Variants in CELF5 observed in about 807,000 individuals in gnomAD.
CELF5 encodes CUG-BP and ETR-3 like factor 5.
A neutral mutation model predicts 54.9 loss-of-function variants in CELF5; 6 were observed. That is an observed-to-expected ratio of 0.11 (90% confidence interval 0.06 to 0.22). The LOEUF is 0.22. CELF5 is among the 10% of genes least tolerant of loss of function. The pLI is 1.00. For synonymous variants in CELF5, 271 were observed against 290.9 expected (o/e 0.93, Z 0.70); for missense variants, 401 against 678.6 (o/e 0.59, Z 4.54).
At position 3,245,848 on chromosome 19, in the gene CELF5, G is replaced by T. The variant is rs554076417; in HGVS notation, c.260-5137G>T. Reference sequence around the variant, plus strand: ...TGCCCAGCTTCATTAATAGTTCTTGGAAGGTGCATTAAAATCTCAATGAAA... The same window carrying T: ...TGCCCAGCTTCATTAATAGTTCTTGTAAGGTGCATTAAAATCTCAATGAAA... On this transcript the variant is annotated intron_variant, in intron 1 of 12. Transcript: ENST00000292672. Among the ~76,000 whole-genome samples the T allele has an allele frequency of 4.2e-4, 64 of 152,274 alleles. No homozygotes were observed. The South Asian group carries it at 5.6e-3, about 13-fold the overall frequency.
chr19:3,271,411 G>C (rs1479346577), intron 2 of CELF5, among the ~76,000 whole-genome samples: 2 of 152,156 alleles, frequency 1.3e-5, no homozygotes, highest in East Asian at 1.9e-4. Flanking sequence ...GGTCCAGCTG[G>C]CTGGGTGGGG....
At chr19:3,253,626 G>A (rs865912072) in intron 2 of CELF5, among the ~76,000 whole-genome samples, 8 of 152,190 alleles carry the variant, frequency 5.3e-5, no homozygotes, top group Non-Finnish European at 1.0e-4. Flanking sequence ...GGGGTGCAGA[G>A]CAGGGGGGGC....
intron 1 of CELF5, among the ~76,000 whole-genome samples, chr19:3,226,416 C>A (rs979459510): frequency 7.6e-6 from 1 of 132,222 alleles, no homozygotes; most frequent in Non-Finnish European, 1.6e-5. Context: ...CTCCCCATTC[C>A]CCATCTCTTT....
intron 8 of CELF5, 66 bp from the exon 9 acceptor site, chr19:3,284,836 A>T (rs1599476838): frequency 7.1e-7 from 1 of 1,401,496 alleles, no homozygotes; most frequent in East Asian, 2.3e-5. Context: ...GCGGCTCTTA[A>T]GGATCGGGGG....
Position 3,282,600 on chromosome 19 carries a change from G to C in CELF5, c.1039+102G>C, listed in dbSNP as rs1258203920. 1 of 1,344,790 alleles carries C rather than the reference G, an allele frequency of 7.4e-7. No individual in the cohort carries two copies. Among genetic ancestry groups the C allele is most frequent in the Non-Finnish European group, 1.0e-6 (1 of 990,474 alleles). The allele number at this position is 1,344,790 out of a possible 1,614,324, so 83.3% of individuals were successfully genotyped here. ...CCTACATCACAGTGCCCAGGGAACA[G>C]AAGGGCAGGAAAAAGGGTGTCTCCG... On this transcript the variant is annotated intron_variant, in intron 8 of 12. Transcript: ENST00000292672. This position sits in a 1 kb window ranked among gnomAD's most constrained non-coding sequence, Gnocchi z 5.2.
At chr19:3,280,451 T>C (rs2080130426) in intron 5 of CELF5, among the ~76,000 whole-genome samples, 1 of 151,940 alleles carries the variant, frequency 6.6e-6, no homozygotes, top group Admixed American at 6.6e-5. Context: ...GGCGGGCACC[T>C]GTAATCCCAG....
intron 2 of CELF5, among the ~76,000 whole-genome samples, chr19:3,261,111 G>C (rs1257918891): frequency 6.6e-6 from 1 of 152,040 alleles, no homozygotes; most frequent in Non-Finnish European, 1.5e-5. Flanking sequence ...TACAGATCAA[G>C]GGTTGCTGAT....
chr19:3,269,825 C>A (rs1466317390), intron 2 of CELF5, among the ~76,000 whole-genome samples: 2 of 151,718 alleles, frequency 1.3e-5, no homozygotes, highest in Non-Finnish European at 2.9e-5. Context: ...GCAGTGGAAG[C>A]GATCATAGCT....
At chr19:3,233,096 T>G (rs963974299) in intron 1 of CELF5, among the ~76,000 whole-genome samples, 1 of 131,938 alleles carries the variant, frequency 7.6e-6, no homozygotes, top group Non-Finnish European at 1.7e-5. Flanking sequence ...AAATTAAAAT[T>G]AAAAATAAAT....
chr19:3,265,390 G>A (rs2079867694), intron 2 of CELF5, among the ~76,000 whole-genome samples: 1 of 152,194 alleles, frequency 6.6e-6, no homozygotes, highest in Non-Finnish European at 1.5e-5. Context: ...TATTGCAACA[G>A]CAGTGTAAAC....
intron 11 of CELF5, among the ~76,000 whole-genome samples, chr19:3,292,229 G>A (rs1341869321): frequency 1.3e-5 from 2 of 151,398 alleles, no homozygotes; most frequent in African/African-American, 4.9e-5. Flanking sequence ...TTACAGACGT[G>A]AACCACCACA....
rs1599470742 is a variant in CELF5 at position 3,281,488 on chromosome 19, G to C, written c.750+143G>C. On this transcript the variant is annotated intron_variant, in intron 6 of 12. Coordinates refer to ENST00000292672, the MANE Select transcript of CELF5 (RefSeq NM_021938.4). This position sits in a 1 kb window ranked among gnomAD's most constrained non-coding sequence, Gnocchi z 6.5. ...TGGCTGAACCCCAACTCCAAATTGA[G>C]ACCAAGCTCAGACCGAGCCCCTAAA... is the stretch of plus-strand genomic sequence containing the variant. The C allele has an allele frequency of 6.7e-6, 6 of 895,978 alleles. No homozygotes were observed. The South Asian group carries it at 1.0e-4, about 15-fold the overall frequency. The allele number at this position is 895,978 out of a possible 1,614,324, so 55.5% of individuals were successfully genotyped here.
chr19:3,292,132 A>T, intron 11 of CELF5, among the ~76,000 whole-genome samples: 1 of 151,928 alleles, frequency 6.6e-6, no homozygotes, highest in East Asian at 1.9e-4. Flanking sequence ...TTTTTAGTAG[A>T]AATGGGGTTT....
chr19:3,244,620 G>T (rs982872602), intron 1 of CELF5, among the ~76,000 whole-genome samples: 4 of 147,846 alleles, frequency 2.7e-5, no homozygotes, highest in African/African-American at 1.0e-4. Flanking sequence ...TTGTCTGCGT[G>T]TGTGTGCGTG....
intron 1 of CELF5, among the ~76,000 whole-genome samples, chr19:3,231,486 ATGGATGGG>A (rs1254424698): frequency 0.038 from 5,165 of 136,926 alleles, 289 homozygotes; most frequent in African/African-American, 0.12. Context: ...GGATGGATGG[ATGGATGGG>A]TGGATGAATG....
At chr19:3,286,110 C>T in intron 10 of CELF5, 85 bp downstream of exon 10, 1 of 1,216,368 alleles carries the variant, frequency 8.2e-7, no homozygotes, top group Non-Finnish European at 1.1e-6. Flanking sequence ...TGGCCCGGGC[C>T]TCTGGGACCC....
intron 2 of CELF5, among the ~76,000 whole-genome samples, chr19:3,263,018 G>A (rs1473749365): frequency 6.6e-6 from 1 of 151,720 alleles, no homozygotes; most frequent in Non-Finnish European, 1.5e-5. Context: ...GACCGAGGTG[G>A]GCAGATCACC....
intron 1 of CELF5, among the ~76,000 whole-genome samples, chr19:3,248,664 C>T (rs1407982912): frequency 1.3e-5 from 2 of 152,160 alleles, no homozygotes; most frequent in Non-Finnish European, 2.9e-5. Flanking sequence ...GTGAATCTTA[C>T]TGCTGTCAAC....
At chr19:3,250,907 G>C (rs2079638885) in intron 1 of CELF5, 78 bp from the exon 2 acceptor site, 1 of 994,820 alleles carries the variant, frequency 1.0e-6, no homozygotes, top group Admixed American at 1.8e-5. Flanking sequence ...CTTCCACCTA[G>C]TGGCCACTGT....
Sources: gnomAD v4.1 joint callset for allele counts (sites outside exome capture counted in the v4.1 genomes callset) on GRCh38, gnomAD v4.1.1 for gene constraint, Gnocchi (gnomAD v3.1) non-coding constraint, MANE v1.5 for transcripts, NCBI Gene and HGNC (gene_info 2026-07-23, HGNC 2026-07-21) for gene names.